Variants in PPFIA1 observed in about 807,000 individuals in gnomAD.
PPFIA1 encodes liprin-alpha-1.
A neutral mutation model predicts 149.9 loss-of-function variants in PPFIA1; 25 were observed. The observed-to-expected ratio is 0.17, with a 90% CI of 0.12 to 0.23. PPFIA1 has a LOEUF of 0.23. PPFIA1 is among the 10% of genes least tolerant of loss of function. The pLI, the probability that PPFIA1 is intolerant of heterozygous loss-of-function variation, is 1.00. For missense variants in PPFIA1, 1,362 were observed against 1,506.5 expected (o/e 0.90, Z 1.59); for synonymous variants, 549 against 552.8 (o/e 0.99, Z 0.10).
chr11:70,332,839 A>C (rs2054750708), intron 9 of PPFIA1, among the ~76,000 whole-genome samples: 1 of 152,070 alleles, frequency 6.6e-6, no homozygotes, highest in African/African-American at 2.4e-5. Context: ...CAAGCTTTTC[A>C]AGCTGCTGGG....
Position 70,277,060 on chromosome 11 carries a change from A to ATATATATATATATATATATTT in PPFIA1, c.264+4625_264+4626insATATATATATATATATATTTT. On this transcript the variant is annotated intron_variant, in intron 2 of 27. Coordinates refer to ENST00000253925, the MANE Select transcript of PPFIA1 (RefSeq NM_003626.5). ...GAGATATATATATATATATATATAT[A>ATATATATATATATATATATTT]TTTTTTTTTTTCCAGGCACAGTCTC... Among the ~76,000 whole-genome samples the ATATATATATATATATATATTT allele has an allele frequency of 8.1e-4, 54 of 66,308 alleles. 1 individual carries two copies. The highest frequency in any genetic ancestry group is 5.9e-3 in the African/African-American group (50 of 8,532). The allele number at this position is 66,308 out of a possible 152,430, so 43.5% of individuals were successfully genotyped here.
At chr11:70,277,060 A>ATATATTTTT in intron 2 of PPFIA1, among the ~76,000 whole-genome samples, 10 of 66,310 alleles carry the variant, frequency 1.5e-4, no homozygotes, top group African/African-American at 1.1e-3. Flanking sequence ...ATATATATAT[A>ATATATTTTT]TTTTTTTTTT....
intron 7 of PPFIA1, among the ~76,000 whole-genome samples, chr11:70,329,660 C>T (rs1338966594): frequency 2.0e-5 from 3 of 152,184 alleles, no homozygotes; most frequent in Non-Finnish European, 4.4e-5. Flanking sequence ...TGGCTCACGC[C>T]TGTAATCCTA....
chr11:70,271,118 C>A (rs568776845), intron 1 of PPFIA1: 2 of 151,864 alleles, frequency 1.3e-5, no homozygotes, highest in Non-Finnish European at 1.5e-5. Context: ...CCGGGGACTG[C>A]GCGCTGCCCC....
intron 2 of PPFIA1, among the ~76,000 whole-genome samples, chr11:70,275,027 A>C (rs1311598004): frequency 2.6e-5 from 4 of 152,218 alleles, no homozygotes; most frequent in Admixed American, 2.6e-4. Flanking sequence ...AGAGTGCCAA[A>C]AGTGGTGGTT....
At chr11:70,276,453 T>C (rs1053138526) in intron 2 of PPFIA1, among the ~76,000 whole-genome samples, 8 of 152,170 alleles carry the variant, frequency 5.3e-5, no homozygotes, top group Non-Finnish European at 1.0e-4. Context: ...ATTATTGCAT[T>C]TATATTCACG....
intron 19 of PPFIA1, among the ~76,000 whole-genome samples, chr11:70,359,456 C>G (rs771244272): frequency 6.6e-6 from 1 of 152,158 alleles, no homozygotes; most frequent in Non-Finnish European, 1.5e-5. Flanking sequence ...CAGAACTGTA[C>G]TTGTGGTGGT....
rs563605645 is a variant in PPFIA1, at chr11:70,304,229, G to A, written c.265-20173G>A. The stretch of plus-strand genomic sequence containing the variant: ...GTTCCTGAACATGTAGCAGTTTCTG[G>A]AGGGTAGTGCCCTCAGAGGGCATGG... On this transcript the variant is annotated intron_variant, in intron 2 of 27. Transcript: ENST00000253925. Among the ~76,000 whole-genome samples the A allele has an allele frequency of 1.7e-4, 26 of 152,248 alleles. No individual in the cohort carries two copies. In the Middle Eastern group the frequency reaches 0.01, roughly 60 times the overall value.
At chr11:70,289,280 A>G (rs1254498008) in intron 2 of PPFIA1, among the ~76,000 whole-genome samples, 1 of 152,100 alleles carries the variant, frequency 6.6e-6, no homozygotes, top group South Asian at 2.1e-4. Context: ...TGAAGGTAGC[A>G]TCTTTTATGT....
At chr11:70,272,806 G>A (rs1391800116) in intron 2 of PPFIA1, among the ~76,000 whole-genome samples, 2 of 152,080 alleles carry the variant, frequency 1.3e-5, no homozygotes, top group African/African-American at 4.8e-5. Context: ...ATTATCTCAT[G>A]TATTTCTAAT....
At chr11:70,282,833 CTTTTT>C (rs59308854) in intron 2 of PPFIA1, among the ~76,000 whole-genome samples, 2 of 71,894 alleles carry the variant, frequency 2.8e-5, no homozygotes, top group African/African-American at 6.0e-5. Flanking sequence ...CCGTGCCTGG[CTTTTT>C]TTTTTTTTTT....
intron 21 of PPFIA1, among the ~76,000 whole-genome samples, chr11:70,370,637 C>T (rs751082138): frequency 1.3e-5 from 2 of 152,060 alleles, no homozygotes; most frequent in Admixed American, 6.6e-5. Context: ...ATCCGCCTGC[C>T]TCGGCCTCCC....
intron 13 of PPFIA1, 141 bp downstream of exon 13, chr11:70,338,594 T>C (rs2137046035): frequency 1.5e-6 from 1 of 647,388 alleles, no homozygotes; most frequent in East Asian, 2.7e-5. Flanking sequence ...GAGAGAAAAG[T>C]AACTCAAAGG....
chr11:70,373,000 C>T (rs2057337455), intron 23 of PPFIA1, among the ~76,000 whole-genome samples: 1 of 152,188 alleles, frequency 6.6e-6, no homozygotes, highest in African/African-American at 2.4e-5. Context: ...CCGTGCAGTT[C>T]TGCTCCCGGA....
intron 14 of PPFIA1, among the ~76,000 whole-genome samples, chr11:70,339,752 C>T (rs1444522009): frequency 6.6e-6 from 1 of 151,990 alleles, no homozygotes; most frequent in African/African-American, 2.4e-5. Flanking sequence ...AGGTAGCTCA[C>T]GCCTATAATC....
intron 2 of PPFIA1, among the ~76,000 whole-genome samples, chr11:70,292,413 G>T (rs1333508060): frequency 6.6e-6 from 1 of 152,214 alleles, no homozygotes; most frequent in Admixed American, 6.5e-5. Context: ...AGAGCAGTAG[G>T]TTTGTGTGGA....
chr11:70,366,943 C>T (rs7932615), intron 21 of PPFIA1, among the ~76,000 whole-genome samples: 4,710 of 152,102 alleles, frequency 0.031, 282 homozygotes, highest in African/African-American at 0.11. Context: ...TGTGCCTCTC[C>T]TCCAGATAAA....
rs147181972 is a variant in PPFIA1 at position 70,348,305 on chromosome 11, C to T, written c.2048C>T (p.Pro683Leu). 7.4e-6 allele frequency: 12 copies of T among 1,614,074 alleles called. No homozygotes were observed. The highest frequency in any genetic ancestry group is 1.1e-5 in the South Asian group (1 of 91,092). ...TTTAGATCAATGAGCTCCATTCCCC[C>T]CTACCCTGCTTCCTCGCTTGCTAGC... ...GRFRSMSSIP[P>L]YPASSLASSS... is the part of the protein sequence containing the mutation. The change falls in exon 16 of 28, where the codon CCC (proline) becomes CTC (leucine). Residue 683 changes from proline to leucine, a missense_variant. Around this residue, in one of 7 missense-constraint regions of PPFIA1, gnomAD observed 733 missense variants for 744.1 expected, o/e 0.99. Coordinates refer to ENST00000253925, the MANE Select transcript of PPFIA1 (RefSeq NM_003626.5).
chr11:70,316,815 G>A (rs1237724591), intron 2 of PPFIA1, among the ~76,000 whole-genome samples: 2 of 152,220 alleles, frequency 1.3e-5, no homozygotes, highest in Non-Finnish European at 2.9e-5. Context: ...ACTTGAAATT[G>A]ACCTGATTGT....
Sources: gnomAD v4.1 joint callset for allele counts (sites outside exome capture counted in the v4.1 genomes callset) on GRCh38, gnomAD v4.1.1 for gene constraint, gnomAD v4.1.1 regional missense constraint, MANE v1.5 for transcripts, NCBI Gene and HGNC (gene_info 2026-07-23, HGNC 2026-07-21) for gene names.